OTOP1: variants seen among roughly 807,000 people sequenced by gnomAD.
OTOP1 encodes the protein proton channel OTOP1.
In OTOP1, 59 loss-of-function variants were observed where a neutral mutation model predicts 52.9. That is an observed-to-expected ratio of 1.12 (90% confidence interval 0.91 to 1.39). The LOEUF (loss-of-function observed/expected upper bound fraction) is 1.39. Ranked by LOEUF, OTOP1 falls within the 40% of genes most tolerant of loss-of-function variation. The probability of loss-of-function intolerance (pLI) is 0.00; values close to 1 mark genes in which losing one functional copy is unlikely to be tolerated. For synonymous variants in OTOP1, 317 were observed against 337.7 expected (o/e 0.94, Z 0.67); for missense variants, 761 against 800.9 (o/e 0.95, Z 0.60).
At position 4,197,868 on chromosome 4, in the gene OTOP1, C is replaced by T; in HGVS notation, c.966G>A (p.Leu322=). The T allele has an allele frequency of 6.2e-7, 1 of 1,614,072 alleles. No individual in the cohort carries two copies. The change falls in exon 5 of 6, where the codon CTG becomes CTA. Residue 322 remains leucine, a synonymous_variant. Coordinates refer to ENST00000296358, the MANE Select transcript of OTOP1 (RefSeq NM_177998.3). ...MVGAVLGLTV[L]AATIAVVVVY... ...CCACCACCACAGCAATGGTGGCGGCCAGCACGGTCAGGCCCAGGACTGCGC... is the reference window on the plus strand; with the variant it reads ...CCACCACCACAGCAATGGTGGCGGCTAGCACGGTCAGGCCCAGGACTGCGC...
At position 4,226,777 on chromosome 4, in the gene OTOP1, G is replaced by A; in HGVS notation, c.88C>T (p.Pro30Ser). The A allele has an allele frequency of 2.2e-6, 3 of 1,377,528 alleles. No individual in the cohort carries two copies. The highest frequency in any genetic ancestry group is 2.8e-6 in the Non-Finnish European group (3 of 1,068,778). 85.3% of individuals were successfully genotyped at this position (1,377,528 alleles called of 1,614,324 possible). Residue 30 changes from proline to serine, a missense_variant, in exon 1 of 6, where the codon CCT becomes TCT. Around this residue, in one of 3 missense-constraint regions of OTOP1, gnomAD observed 73 missense variants for 75.7 expected, o/e 0.96. Coordinates refer to ENST00000296358, the MANE Select transcript of OTOP1 (RefSeq NM_177998.3). ...AGSSGPAACS[P>S]PSSSAPRSPE... ...GACCTCGGGGCCGAGGACGAGGGAG[G>A]CGAGCAGGCCGCTGGCCCCGACGAC...
chr4:4,207,540 T>A (rs1026873329), intron 2 of OTOP1, among the ~76,000 whole-genome samples: 4 of 152,080 alleles, frequency 2.6e-5, no homozygotes, highest in Non-Finnish European at 5.9e-5. Flanking sequence ...TTTAAATAAA[T>A]GCTTTTTGCT....
chr4:4,188,963 G>A lies in OTOP1; in HGVS notation c.1679C>T (p.Pro560Leu), dbSNP rs1484415456. 2 of 1,612,002 alleles carry A rather than the reference G, an allele frequency of 1.2e-6. No homozygotes were observed. The highest frequency in any genetic ancestry group is 1.7e-6 in the Non-Finnish European group (2 of 1,178,998). ...LFLCNISLWIPPAFGCRPEYD... is the reference protein window; with the variant it reads ...LFLCNISLWILPAFGCRPEYD... ...CTCAGGTCGACAGCCAAAGGCGGGA[G>A]GTATCCAAAGCTGCAAGAGAAGAGA... Residue 560 changes from proline (P) to leucine (L), a missense_variant, in exon 6 of 6, where the codon CCT (proline) becomes CTT (leucine). Physicochemically the swap from Pro to Leu is moderately conservative, Grantham distance 98. This residue lies in a region of OTOP1 where 632 missense variants were observed against 619.5 expected (regional missense o/e 1.02). Coordinates refer to ENST00000296358, the MANE Select transcript of OTOP1 (RefSeq NM_177998.3).
At chr4:4,222,095 T>C (rs1330338598) in intron 1 of OTOP1, among the ~76,000 whole-genome samples, 1 of 152,308 alleles carries the variant, frequency 6.6e-6, no homozygotes, top group African/African-American at 2.4e-5. Context: ...ATTTACTACA[T>C]GTTAGGCACT....
chr4:4,209,996 C>T (rs1445043574), intron 2 of OTOP1, among the ~76,000 whole-genome samples: 1 of 152,154 alleles, frequency 6.6e-6, no homozygotes, highest in Non-Finnish European at 1.5e-5. Flanking sequence ...ACCCTCACCC[C>T]AAGCTGCCGA....
At chr4:4,194,557 C>T (rs1716579760) in intron 5 of OTOP1, among the ~76,000 whole-genome samples, 1 of 152,186 alleles carries the variant, frequency 6.6e-6, no homozygotes, top group Non-Finnish European at 1.5e-5. Flanking sequence ...AGACACACAG[C>T]CATTCTGATT....
chr4:4,201,805 T>C (rs1156926945), intron 4 of OTOP1, among the ~76,000 whole-genome samples: 1 of 152,176 alleles, frequency 6.6e-6, no homozygotes, highest in African/African-American at 2.4e-5. Context: ...TTGTACATGA[T>C]GGGAACAAAC....
rs184215603 is a variant in OTOP1 at position 4,199,176 on chromosome 4, G to A, written c.731-1073C>T. Among the ~76,000 whole-genome samples, 437 of 150,108 alleles carry A rather than the reference G, an allele frequency of 2.9e-3. 4 individuals are homozygous for A. Among genetic ancestry groups the A allele is most frequent in the African/African-American group, 0.01 (416 of 40,424 alleles). On this transcript the variant is annotated intron_variant, in intron 4 of 5. Transcript: ENST00000296358. ...TGCACTCCAGCCTAGGCGACAGAGC[G>A]AGACTCAGTCTCAAAATATAATTTA... is the stretch of plus-strand genomic sequence containing the variant.
intron 5 of OTOP1, among the ~76,000 whole-genome samples, chr4:4,189,204 C>A (rs950132117): frequency 6.6e-6 from 1 of 152,216 alleles, no homozygotes; most frequent in African/African-American, 2.4e-5. Context: ...TGCAATCCAT[C>A]CTGAATGAGC....
chr4:4,226,811 C>G lies in OTOP1; in HGVS notation c.54G>C (p.Ser18=). The change falls in exon 1 of 6, where the codon TCG becomes TCC. Residue 18 remains serine, a synonymous_variant. Coordinates refer to ENST00000296358, the MANE Select transcript of OTOP1 (RefSeq NM_177998.3). ...PASPRAAASA[S]VAGSSGPAAC... Reference sequence around the variant, plus strand: ...CCGCTGGCCCCGACGACCCTGCGACCGAGGCGCTTGCAGCTGCCCGGGGCG... The same window carrying G: ...CCGCTGGCCCCGACGACCCTGCGACGGAGGCGCTTGCAGCTGCCCGGGGCG... The G allele has an allele frequency of 1.5e-6, 2 of 1,360,714 alleles. No individual in the cohort carries two copies. Among genetic ancestry groups the G allele is most frequent in the South Asian group, 1.7e-5 (1 of 57,162 alleles). 84.3% of individuals were successfully genotyped at this position (1,360,714 alleles called of 1,614,324 possible).
At chr4:4,208,733 G>C (rs7666381) in intron 2 of OTOP1, among the ~76,000 whole-genome samples, 68,720 of 151,342 alleles carry the variant, frequency 0.45, 16,759 homozygotes, top group African/African-American at 0.64. Flanking sequence ...TTACTGAAAC[G>C]TACGCTTAAA....
chr4:4,216,161 C>T (rs1025377313), intron 1 of OTOP1, among the ~76,000 whole-genome samples: 5 of 151,896 alleles, frequency 3.3e-5, no homozygotes, highest in Admixed American at 6.6e-5. Context: ...GAGGAAGGGC[C>T]TGTGCTAGGT....
Position 4,198,060 on chromosome 4 carries a change from A to T in OTOP1, c.774T>A (p.Thr258=), listed in dbSNP as rs2108797518. 2 of 1,614,116 alleles carry T rather than the reference A, an allele frequency of 1.2e-6. No homozygotes were observed. Among genetic ancestry groups the T allele is most frequent in the East Asian group, 4.5e-5 (2 of 44,880 alleles). The change falls in exon 5 of 6, where the codon ACT becomes ACA. Residue 258 remains threonine, a synonymous_variant. Coordinates refer to ENST00000296358, the MANE Select transcript of OTOP1 (RefSeq NM_177998.3). ...HTPQCNCTPP[T]LCTAISHGIY... Reference sequence around the variant, plus strand: ...TCCCGTGGGAGATGGCAGTGCACAGAGTTGGGGGCGTGCAGTTACACTGCG... The same window carrying T: ...TCCCGTGGGAGATGGCAGTGCACAGTGTTGGGGGCGTGCAGTTACACTGCG...
chr4:4,221,163 C>T (rs374037682), intron 1 of OTOP1, among the ~76,000 whole-genome samples: 1 of 151,042 alleles, frequency 6.6e-6, no homozygotes, highest in Non-Finnish European at 1.5e-5. Context: ...CACTGCAAAC[C>T]CTGCCTCCTG....
At chr4:4,224,976 T>C (rs2916429) in intron 1 of OTOP1, among the ~76,000 whole-genome samples, 119,052 of 152,214 alleles carry the variant, frequency 0.78, 46,937 homozygotes, top group South Asian at 0.85. Context: ...TCACTGGATC[T>C]TATCCAGTTT....
intron 4 of OTOP1, among the ~76,000 whole-genome samples, chr4:4,200,551 T>G (rs1243961334): frequency 1.3e-5 from 2 of 151,186 alleles, no homozygotes; most frequent in Admixed American, 6.6e-5. Context: ...AATTTTCTTT[T>G]TCTTTTTTTT....
intron 1 of OTOP1, among the ~76,000 whole-genome samples, chr4:4,213,562 A>G (rs1413985955): frequency 1.3e-5 from 2 of 152,212 alleles, no homozygotes; most frequent in Non-Finnish European, 2.9e-5. Flanking sequence ...GAAATCGTAC[A>G]GTACTGTCCT....
chr4:4,211,472 G>A (rs1255938035), intron 2 of OTOP1, among the ~76,000 whole-genome samples: 2 of 152,196 alleles, frequency 1.3e-5, no homozygotes, highest in African/African-American at 4.8e-5. Context: ...GGCAGAGCCT[G>A]CCATTTGCAA....
intron 1 of OTOP1, among the ~76,000 whole-genome samples, chr4:4,225,388 C>T (rs908221137): frequency 6.6e-6 from 1 of 152,062 alleles, no homozygotes; most frequent in Non-Finnish European, 1.5e-5. Flanking sequence ...GACAACACAA[C>T]GAGGCCCTAT....
Sources: gnomAD v4.1 joint callset for allele counts (sites outside exome capture counted in the v4.1 genomes callset) on GRCh38, gnomAD v4.1.1 for gene constraint, gnomAD v4.1.1 regional missense constraint, MANE v1.5 for transcripts, NCBI Gene and HGNC (gene_info 2026-07-23, HGNC 2026-07-21) for gene names.